Variants in ALG6 observed in about 807,000 individuals in gnomAD.
ALG6 encodes the protein dolichyl pyrophosphate Man9GlcNAc2 alpha-1,3-glucosyltransferase.
ALG6 carries 46 observed loss-of-function variants against 66.6 expected under a neutral mutation model. The observed-to-expected ratio is 0.69, with a 90% CI of 0.55 to 0.88. ALG6 has a LOEUF of 0.88. ALG6 is among the 40% of genes least tolerant of loss of function. ALG6 has a pLI of 0.00. For synonymous variants in ALG6, 185 were observed against 203.7 expected, an observed-to-expected ratio of 0.91 and a Z score of 0.78; for missense variants, 505 against 586.8, an observed-to-expected ratio of 0.86 and a Z score of 1.44.
At chr1:63,418,301 A>C (rs1425363783) in intron 11 of ALG6, among the ~76,000 whole-genome samples, 1 of 147,696 alleles carries the variant, frequency 6.8e-6, no homozygotes, top group African/African-American at 2.5e-5. Flanking sequence ...ATATTTAATA[A>C]ATTATTAAAT....
intron 4 of ALG6, among the ~76,000 whole-genome samples, chr1:63,403,617 GT>G (rs1644475966): frequency 6.6e-6 from 1 of 152,142 alleles, no homozygotes; most frequent in Admixed American, 6.5e-5. Context: ...GAAATGTGTG[GT>G]TAGGTGATTT....
In ALG6 at chr1:63,406,339, T is replaced by A; in HGVS notation, c.369T>A (p.Ile123=). 1 of 1,613,350 alleles carries A rather than the reference T, an allele frequency of 6.2e-7. No homozygotes were observed. The highest frequency in any genetic ancestry group is 8.5e-7 in the Non-Finnish European group (1 of 1,179,518). Residue 123 remains isoleucine (I), a synonymous_variant, in exon 6 of 15, where the codon ATT becomes ATA. Transcript: ENST00000263440. Reference sequence around the variant, plus strand: ...CAGTTTTAATTGCTGATCTGCTGATTTACATACCTGCAGTGGTTTTGTACT... The same window carrying A: ...CAGTTTTAATTGCTGATCTGCTGATATACATACCTGCAGTGGTTTTGTACT... The part of the protein sequence containing the change: ...RTTVLIADLL[I]YIPAVVLYCC...
intron 11 of ALG6, among the ~76,000 whole-genome samples, chr1:63,416,857 C>T (rs1644548258): frequency 6.6e-6 from 1 of 152,076 alleles, no homozygotes; most frequent in South Asian, 2.1e-4. Context: ...TTTAAACTAT[C>T]AAGAACATTT....
chr1:63,413,876 T>G, intron 9 of ALG6, 185 bp from the exon 10 acceptor site: 1 of 515,108 alleles, frequency 1.9e-6, no homozygotes, highest in South Asian at 2.2e-5. Context: ...TGCACAAAAA[T>G]GAAAAATGCT....
chr1:63,411,785 C>T (rs1644517660), intron 8 of ALG6, 141 bp from the exon 9 acceptor site: 2 of 1,164,750 alleles, frequency 1.7e-6, no homozygotes, highest in African/African-American at 3.0e-5. Flanking sequence ...TTTGAGCACA[C>T]TCCCATCTTA....
Position 63,409,938 on chromosome 1 carries a change from A to G in ALG6, c.495-1208A>G, listed in dbSNP as rs371159248. Among the ~76,000 whole-genome samples the G allele has an allele frequency of 1.4e-4, 22 of 152,174 alleles. 1 individual carries two copies. The South Asian group carries it at 4.2e-3, about 29-fold the overall frequency. ...TGCCCTCTTTTGTTGCCTTGGGGTA[A>G]ATGTTTGGCTGCCAGATAATCTTTG... On this transcript the variant is annotated intron_variant, in intron 7 of 14. Transcript: ENST00000263440.
chr1:63,417,341 T>C (rs1249519314), intron 11 of ALG6, among the ~76,000 whole-genome samples: 4 of 152,230 alleles, frequency 2.6e-5, no homozygotes, highest in Non-Finnish European at 5.9e-5. Context: ...ATGATTACTT[T>C]TAGGATTATA....
chr1:63,369,648 A>C (rs926041019), intron 1 of ALG6, among the ~76,000 whole-genome samples: 5 of 151,870 alleles, frequency 3.3e-5, no homozygotes, highest in African/African-American at 1.2e-4. Context: ...AGAAAAAAAA[A>C]CAAATAAAAT....
At chr1:63,421,044 T>C (rs1644570374) in intron 12 of ALG6, among the ~76,000 whole-genome samples, 1 of 150,274 alleles carries the variant, frequency 6.7e-6, no homozygotes, top group South Asian at 2.1e-4. Context: ...TTCTTAAAGA[T>C]AGACACTTAT....
chr1:63,434,295 G>A (rs1330638865), intron 14 of ALG6, among the ~76,000 whole-genome samples: 1 of 152,166 alleles, frequency 6.6e-6, no homozygotes, highest in African/African-American at 2.4e-5. Flanking sequence ...CTGGGGTTGT[G>A]AAAGAGAGGT....
intron 14 of ALG6, among the ~76,000 whole-genome samples, chr1:63,436,234 T>A (rs1644677808): frequency 6.6e-6 from 1 of 152,192 alleles, no homozygotes. Context: ...TTCATTCATG[T>A]AATGCATGAA....
rs1270749668 is a variant in ALG6 at position 63,422,261 on chromosome 1, A to C, written c.1058+2821A>C. Among the ~76,000 whole-genome samples the C allele has an allele frequency of 4.0e-4, 41 of 102,374 alleles. 1 individual carries two copies. In the East Asian group the frequency reaches 4.7e-3, roughly 12 times the overall value. The allele number at this position is 102,374 out of a possible 152,430, so 67.2% of individuals were successfully genotyped here. On this transcript the variant is annotated intron_variant, in intron 12 of 14. Transcript: ENST00000263440. ...TATATATAAATATATATATTTATAT[A>C]GATATAAATATATATATAAATATAT...
At chr1:63,402,186 T>A (rs2100412628) in intron 3 of ALG6, 68 bp from the exon 4 acceptor site, 1 of 971,540 alleles carries the variant, frequency 1.0e-6, no homozygotes, top group South Asian at 1.3e-5. Context: ...GGTGCAATGT[T>A]AAATTATAAG....
At chr1:63,410,819 G>A (rs1644512212) in intron 7 of ALG6, among the ~76,000 whole-genome samples, 1 of 151,956 alleles carries the variant, frequency 6.6e-6, no homozygotes, top group African/African-American at 2.4e-5. Flanking sequence ...ATTTTGGTAT[G>A]TTATAATAAT....
chr1:63,403,392 G>A (rs1489902029), intron 4 of ALG6, among the ~76,000 whole-genome samples: 1 of 152,084 alleles, frequency 6.6e-6, no homozygotes, highest in Non-Finnish European at 1.5e-5. Flanking sequence ...ATCAAAATGG[G>A]AATTCCTCCT....
In ALG6 at chr1:63,371,892, C is replaced by T. The variant is rs150196152; in HGVS notation, c.82+833C>T. ...TGCTGGGATTACAGGCGTGAGCCACCGCACCCAGCTAGAGGGCCCACATTT... is the reference window on the plus strand; with the variant it reads ...TGCTGGGATTACAGGCGTGAGCCACTGCACCCAGCTAGAGGGCCCACATTT... On this transcript the variant is annotated intron_variant, in intron 2 of 14. Transcript: ENST00000263440. 6.0e-3 allele frequency among the ~76,000 whole-genome samples: 913 copies of T among 151,356 alleles called. 6 individuals carry two copies. The highest frequency in any genetic ancestry group is 9.7e-3 in the Non-Finnish European group (655 of 67,824).
chr1:63,386,370 A>T (rs1285616791), intron 2 of ALG6, among the ~76,000 whole-genome samples: 1 of 151,976 alleles, frequency 6.6e-6, no homozygotes, highest in East Asian at 1.9e-4. Context: ...TTTTTGGAAT[A>T]GTTTGAATAG....
intron 1 of ALG6, among the ~76,000 whole-genome samples, chr1:63,369,143 C>T (rs59483654): frequency 0.024 from 3,685 of 152,188 alleles, 102 homozygotes; most frequent in East Asian, 0.091. Context: ...TGTGAAAATA[C>T]AAATCCTGTT....
chr1:63,390,624 C>T (rs953413433), intron 2 of ALG6, among the ~76,000 whole-genome samples: 1 of 152,150 alleles, frequency 6.6e-6, no homozygotes. Flanking sequence ...ATTTAAGACC[C>T]CAGAGTGCTT....
Sources: allele counts gnomAD v4.1 joint callset (sites outside exome capture counted in the v4.1 genomes callset), GRCh38; gene constraint gnomAD v4.1.1; transcripts MANE v1.5; gene names NCBI Gene and HGNC (gene_info 2026-07-23, HGNC 2026-07-21).